USP4: variants seen among roughly 807,000 people sequenced by gnomAD.
USP4 encodes the protein ubiquitin specific peptidase 4.
USP4 carries 72 observed loss-of-function variants against 118.2 expected under a neutral mutation model. The ratio of observed to expected loss-of-function variants is 0.61; its 90% CI spans 0.50 to 0.74. USP4 has a LOEUF of 0.74. USP4 is among the 30% of genes least tolerant of loss of function. USP4 has a pLI of 0.00. For missense variants in USP4, 1,037 were observed against 1,185.7 expected, an observed-to-expected ratio of 0.87 and a Z score of 1.84; for synonymous variants, 415 against 440.4, an observed-to-expected ratio of 0.94 and a Z score of 0.72.
chr3:49,285,969 T>A (rs2047086763), intron 16 of USP4, 129 bp downstream of exon 16: 1 of 837,970 alleles, frequency 1.2e-6, no homozygotes, highest in Non-Finnish European at 1.9e-6. Flanking sequence ...AAGCCAAGGG[T>A]CATACAAGTG....
chr3:49,330,002 G>C (rs905317729), intron 2 of USP4, among the ~76,000 whole-genome samples: 4 of 151,824 alleles, frequency 2.6e-5, no homozygotes, highest in Non-Finnish European at 4.4e-5. Context: ...TAGCCAGGTG[G>C]AGGGACGGGC....
intron 6 of USP4, among the ~76,000 whole-genome samples, chr3:49,322,672 C>A (rs1379729575): frequency 6.6e-6 from 1 of 151,918 alleles, no homozygotes. Flanking sequence ...ACCAGCCTGG[C>A]CAACATGGTA....
chr3:49,284,350 C>T (rs2047071851), intron 18 of USP4, 116 bp downstream of exon 18: 2 of 1,041,448 alleles, frequency 1.9e-6, no homozygotes, highest in Middle Eastern at 3.2e-4. Context: ...GTAGGGTTAG[C>T]TATATAAAGA....
rs1455685520 is a variant in USP4, at chr3:49,325,737, T to A, written c.469A>T (p.Ser157Cys). The A allele has an allele frequency of 5.0e-6, 8 of 1,613,736 alleles. No individual in the cohort carries two copies. Among genetic ancestry groups the A allele is most frequent in the African/African-American group, 1.3e-5 (1 of 74,918 alleles). Residue 157 changes from serine to cysteine, a missense_variant, in exon 4 of 22, where the codon AGC (serine) becomes TGC (cysteine). By Grantham distance (112) the Ser-to-Cys change is moderately radical (BLOSUM62 -1). Coordinates refer to ENST00000265560, the MANE Select transcript of USP4 (RefSeq NM_003363.4). The part of the protein sequence containing the change: ...DPTNVLSCHF[S>C]KADTIATIEK... Reference sequence around the variant, plus strand: ...CTCTCACCAATGGTGTCTGCCTTGCTGAAATGGCAACTCAGCACATTGGTG... The same window carrying A: ...CTCTCACCAATGGTGTCTGCCTTGCAGAAATGGCAACTCAGCACATTGGTG...
At chr3:49,291,552 C>T (rs2047151180) in intron 15 of USP4, among the ~76,000 whole-genome samples, 4 of 134,220 alleles carry the variant, frequency 3.0e-5, no homozygotes, top group South Asian at 2.3e-4. Context: ...CCTGCATGGG[C>T]GACAGAGCAA....
intron 13 of USP4, among the ~76,000 whole-genome samples, chr3:49,295,918 T>A (rs2047203183): frequency 6.6e-6 from 1 of 152,198 alleles, no homozygotes; most frequent in Admixed American, 6.6e-5. Flanking sequence ...ATTTTCTGGC[T>A]GCTAGTAATA....
In USP4 at chr3:49,327,831, G is replaced by C. The variant is rs1342973359; in HGVS notation, c.230-15C>G. 2 of 1,611,858 alleles carry C rather than the reference G, an allele frequency of 1.2e-6. No homozygotes were observed. The highest frequency in any genetic ancestry group is 1.3e-5 in the African/African-American group (1 of 74,880). On this transcript the variant is annotated splice_polypyrimidine_tract_variant and intron_variant, in intron 2 of 21. Coordinates refer to ENST00000265560, the MANE Select transcript of USP4 (RefSeq NM_003363.4). Reference sequence around the variant, plus strand: ...ACTCTCAGGATCTAAAAAAGGAAAAGAGCACATAAGTCACTGCTCTTTACC... The same window carrying C: ...ACTCTCAGGATCTAAAAAAGGAAAACAGCACATAAGTCACTGCTCTTTACC...
At position 49,300,447 on chromosome 3, in the gene USP4, A is replaced by T; in HGVS notation, c.1512+20T>A. ...GACCACTTGCAGTGAGGGGTGCCATAAGGGTGTGGATTCTGTCACCTGAGT... is the reference window on the plus strand; with the variant it reads ...GACCACTTGCAGTGAGGGGTGCCATTAGGGTGTGGATTCTGTCACCTGAGT... On this transcript the variant is annotated intron_variant, in intron 11 of 21. Coordinates refer to ENST00000265560, the MANE Select transcript of USP4 (RefSeq NM_003363.4). 6.2e-7 allele frequency: 1 copy of T among 1,608,896 alleles called. No individual in the cohort carries two copies. Among genetic ancestry groups the T allele is most frequent in the Non-Finnish European group, 8.5e-7 (1 of 1,175,296 alleles).
chr3:49,302,397 C>T lies in USP4; in HGVS notation c.1274G>A (p.Gly425Glu). 6.2e-7 allele frequency: 1 copy of T among 1,613,676 alleles called. No homozygotes were observed. The highest frequency in any genetic ancestry group is 8.5e-7 in the Non-Finnish European group (1 of 1,179,920). Residue 425 changes from glycine (G) to glutamate (E), a missense_variant, in exon 10 of 22, where the codon GGG (glycine) becomes GAG (glutamate). Gly to Glu is a moderately conservative substitution (Grantham distance 98). This residue lies in a region of USP4 where 487 missense variants were observed against 534.1 expected (regional missense o/e 0.91). Coordinates refer to ENST00000265560, the MANE Select transcript of USP4 (RefSeq NM_003363.4). Reference sequence around the variant, plus strand: ...TTAATGGCATACCGCATCTGGCCGCCCATTGGCATCCTTCAGCTCCAAGTA... The same window carrying T: ...TTAATGGCATACCGCATCTGGCCGCTCATTGGCATCCTTCAGCTCCAAGTA... ...KPYLELKDAN[G>E]RPDAVVAKEA...
chr3:49,323,273 A>T (rs1205613973), intron 6 of USP4, among the ~76,000 whole-genome samples: 8 of 91,308 alleles, frequency 8.8e-5, no homozygotes, highest in Admixed American at 2.0e-4. Context: ...GGCCTTTTTA[A>T]AAAAAAAAAA....
intron 13 of USP4, among the ~76,000 whole-genome samples, chr3:49,296,060 A>G (rs2047205041): frequency 6.6e-6 from 1 of 152,096 alleles, no homozygotes; most frequent in African/African-American, 2.4e-5. Context: ...GGCCGGGCAC[A>G]GTGGCTCACA....
chr3:49,318,196 TG>T (rs1303038152), intron 6 of USP4: 3 of 439,678 alleles, frequency 6.8e-6, no homozygotes, highest in Non-Finnish European at 9.1e-6. Flanking sequence ...CTCAAACTCC[TG>T]GGCTCAAGCA....
intron 13 of USP4, among the ~76,000 whole-genome samples, chr3:49,296,244 C>T (rs2047207870): frequency 6.6e-6 from 1 of 151,452 alleles, no homozygotes; most frequent in Admixed American, 6.6e-5. Context: ...GGCAGAATGG[C>T]ATGAACCTGG....
chr3:49,303,438 C>CA (rs1173726988), intron 9 of USP4, among the ~76,000 whole-genome samples: 626 of 22,998 alleles, frequency 0.027, 19 homozygotes, highest in African/African-American at 0.042. Context: ...AAGGCTGTCT[C>CA]AAAAAAAAAA....
chr3:49,295,686 A>G (rs563109938), intron 13 of USP4, among the ~76,000 whole-genome samples: 1 of 147,704 alleles, frequency 6.8e-6, no homozygotes, highest in Admixed American at 6.7e-5. Context: ...TTTTGAAACT[A>G]AACATATGCA....
chr3:49,301,213 C>T (rs1169813438), intron 10 of USP4, among the ~76,000 whole-genome samples: 2 of 151,980 alleles, frequency 1.3e-5, no homozygotes, highest in Non-Finnish European at 1.5e-5. Context: ...GTGCTGGAAC[C>T]GCAGGGGAAA....
At chr3:49,290,956 G>A (rs2047145150) in intron 15 of USP4, among the ~76,000 whole-genome samples, 1 of 151,940 alleles carries the variant, frequency 6.6e-6, no homozygotes, top group African/African-American at 2.4e-5. Flanking sequence ...TCCAGACTGG[G>A]TGATAATCAA....
intron 19 of USP4, among the ~76,000 whole-genome samples, chr3:49,282,369 G>A (rs1158419505): frequency 6.6e-6 from 1 of 152,018 alleles, no homozygotes; most frequent in East Asian, 1.9e-4. Flanking sequence ...CTGCCTCTTG[G>A]GTTCAAGTGA....
chr3:49,317,256 T>C (rs1559475736), intron 6 of USP4: 4 of 1,540,440 alleles, frequency 2.6e-6, no homozygotes, highest in Non-Finnish European at 3.6e-6. Flanking sequence ...CAATCTTGCG[T>C]GCCAGGTTCT....
Sources: gnomAD v4.1 joint callset for allele counts (sites outside exome capture counted in the v4.1 genomes callset) on GRCh38, gnomAD v4.1.1 for gene constraint, gnomAD v4.1.1 regional missense constraint, MANE v1.5 for transcripts, NCBI Gene and HGNC (gene_info 2026-07-23, HGNC 2026-07-21) for gene names.